The following GPHN variants were observed in gnomAD, a reference collection of about 807,000 sequenced individuals.
GPHN encodes the protein gephyrin.
Under a neutral mutation model 95.5 loss-of-function variants are expected in GPHN, and 17 were observed. That is an observed-to-expected ratio of 0.18 (90% CI 0.12 to 0.27). The LOEUF is 0.27. Among genes scored for constraint, GPHN ranks in the 10% least tolerant of loss-of-function variants. GPHN has a pLI of 1.00. For missense variants in GPHN, 660 were observed against 978.1 expected, an observed-to-expected ratio of 0.67 and a Z score of 4.34; for synonymous variants, 320 against 322.5, an observed-to-expected ratio of 0.99 and a Z score of 0.08.
At chr14:67,506,711 A>T in the GPHN span, among the ~76,000 whole-genome samples, 8 of 152,182 alleles carry the variant, frequency 5.3e-5, no homozygotes, top group South Asian at 2.1e-4. Context: ...TTGGGCCAGG[A>T]GTGGTGGCTC....
intron 1 of GPHN, among the ~76,000 whole-genome samples, chr14:66,548,792 TGGAAAGGTA>T (rs2059705236): frequency 6.6e-6 from 1 of 152,218 alleles, no homozygotes; most frequent in Admixed American, 6.5e-5. Context: ...CTGAGACAGG[TGGAAAGGTA>T]GGCCTCTTGT....
chr14:67,583,987 C>T, the GPHN span: 7 of 1,613,964 alleles, frequency 4.3e-6, no homozygotes, highest in Non-Finnish European at 5.9e-6. Flanking sequence ...TCCATCTGCC[C>T]ACACCAGGCA....
At chr14:66,666,370 T>A (rs2065957587) in intron 1 of GPHN, among the ~76,000 whole-genome samples, 3 of 151,462 alleles carry the variant, frequency 2.0e-5, no homozygotes, top group Admixed American at 2.0e-4. Context: ...AATGATAACA[T>A]TATGAACTTA....
At chr14:67,035,141 A>G (rs1005078287) in intron 10 of GPHN, among the ~76,000 whole-genome samples, 1 of 151,730 alleles carries the variant, frequency 6.6e-6, no homozygotes, top group Non-Finnish European at 1.5e-5. Context: ...TAAATGAGAC[A>G]CTCTTGAACA....
chr14:67,465,354 AGT>A, the GPHN span, among the ~76,000 whole-genome samples: 1 of 128,808 alleles, frequency 7.8e-6, no homozygotes. Context: ...GAGAACTACA[AGT>A]CAGTCTCCCT....
the GPHN span, among the ~76,000 whole-genome samples, chr14:67,301,215 G>A: frequency 5.2e-3 from 794 of 152,064 alleles, 3 homozygotes; most frequent in Middle Eastern, 0.037. Context: ...AAGAAATACT[G>A]TTGTTTTATC....
chr14:66,903,904 G>T (rs1048942983), intron 5 of GPHN, among the ~76,000 whole-genome samples: 1 of 152,036 alleles, frequency 6.6e-6, no homozygotes, highest in Non-Finnish European at 1.5e-5. Flanking sequence ...TCACAGAAAT[G>T]GGAACAGAAA....
chr14:67,178,779 G>A (rs2083154725), intron 21 of GPHN, among the ~76,000 whole-genome samples: 1 of 152,086 alleles, frequency 6.6e-6, no homozygotes. Context: ...TTCCCAATTT[G>A]TCAAAAGTTA....
chr14:66,926,490 C>G (rs2066489403), intron 8 of GPHN, among the ~76,000 whole-genome samples: 1 of 152,176 alleles, frequency 6.6e-6, no homozygotes, highest in East Asian at 1.9e-4. Context: ...TTTCCCAGCA[C>G]CATTTATTGA....
At chr14:67,413,091 T>A in the GPHN span, among the ~76,000 whole-genome samples, 3 of 152,088 alleles carry the variant, frequency 2.0e-5, no homozygotes, top group East Asian at 3.9e-4. Flanking sequence ...ATGCATTTTT[T>A]AAAATCAAAA....
chr14:67,090,352 G>C (rs1222109642), intron 12 of GPHN, among the ~76,000 whole-genome samples: 1 of 151,902 alleles, frequency 6.6e-6, no homozygotes, highest in African/African-American at 2.4e-5. Flanking sequence ...GTGTTGACAT[G>C]GCACCACAAG....
chr14:67,156,320 T>C (rs1001535033), intron 18 of GPHN, among the ~76,000 whole-genome samples: 5 of 152,074 alleles, frequency 3.3e-5, no homozygotes, highest in Non-Finnish European at 7.4e-5. Flanking sequence ...TATAAACATA[T>C]ACATGCACAT....
chr14:67,064,752 T>A (rs2075973865), intron 11 of GPHN, among the ~76,000 whole-genome samples: 1 of 152,208 alleles, frequency 6.6e-6, no homozygotes, highest in Non-Finnish European at 1.5e-5. Flanking sequence ...TGATGGTAAT[T>A]TGTATTTCTG....
chr14:67,150,372 C>T (rs1431994814), intron 18 of GPHN, among the ~76,000 whole-genome samples: 34 of 130,756 alleles, frequency 2.6e-4, no homozygotes, highest in African/African-American at 9.0e-4. Flanking sequence ...ACCCGGGAGG[C>T]GGAGCTTGCA....
At chr14:67,645,552 G>A in the GPHN span, 3 of 1,448,168 alleles carry the variant, frequency 2.1e-6, no homozygotes, top group African/African-American at 4.2e-5. Flanking sequence ...TTGCACTGTG[G>A]AGAGAGTATA....
At chr14:67,000,766 T>C (rs1033097392) in intron 9 of GPHN, among the ~76,000 whole-genome samples, 2 of 151,620 alleles carry the variant, frequency 1.3e-5, no homozygotes, top group Non-Finnish European at 1.5e-5. Flanking sequence ...CTCTCTGACA[T>C]ACATATTAGT....
chr14:67,052,717 G>A (rs890786431), intron 10 of GPHN, among the ~76,000 whole-genome samples: 1 of 152,084 alleles, frequency 6.6e-6, no homozygotes, highest in Non-Finnish European at 1.5e-5. Context: ...CCTAACAAAT[G>A]CCAAACAACT....
rs191861971 is a variant in GPHN, at chr14:66,570,586, A to G, written c.64+61995A>G. ...CTCCCAAAGTGCCGAGATTACAGGC[A>G]TGATCACCATGCCTGGCCCAATTTC... On this transcript the variant is annotated intron_variant, in intron 1 of 22. Coordinates refer to ENST00000478722, the MANE Select transcript of GPHN (RefSeq NM_020806.5). 4.3e-3 allele frequency among the ~76,000 whole-genome samples: 552 copies of G among 127,336 alleles called. 12 individuals carry two copies. Among genetic ancestry groups the G allele is most frequent in the African/African-American group, 0.022 (527 of 23,578 alleles). The allele number at this position is 127,336 out of a possible 152,430, so 83.5% of individuals were successfully genotyped here. A position where few individuals can be genotyped will look rare whatever the true frequency, so the allele number is the denominator to read the frequency against.
At chr14:66,693,104 C>G (rs2067883927) in intron 2 of GPHN, among the ~76,000 whole-genome samples, 1 of 151,708 alleles carries the variant, frequency 6.6e-6, no homozygotes, top group African/African-American at 2.4e-5. Flanking sequence ...TTTCAAAACT[C>G]CCAAAATAGT....
Sources: gnomAD v4.1 joint callset for allele counts (sites outside exome capture counted in the v4.1 genomes callset) on GRCh38, gnomAD v4.1.1 for gene constraint, MANE v1.5 for transcripts, NCBI Gene and HGNC (gene_info 2026-07-23, HGNC 2026-07-21) for gene names.